The following IGSF21 variants were observed in gnomAD, a reference collection of about 807,000 sequenced individuals.
IGSF21 encodes the protein immunoglobin superfamily member 21.
Under a neutral mutation model 46.8 loss-of-function variants are expected in IGSF21, and 28 were observed. The observed-to-expected ratio is 0.60, with a 90% CI of 0.44 to 0.82. The LOEUF is 0.82. Among genes scored for constraint, IGSF21 ranks in the 40% least tolerant of loss-of-function variants. The pLI is 0.00. For missense variants in IGSF21, 624 were observed against 665.5 expected, an observed-to-expected ratio of 0.94 and a Z score of 0.69; for synonymous variants, 284 against 273.6, an observed-to-expected ratio of 1.04 and a Z score of -0.38.
At chr1:18,202,577 AAGAG>A (rs147654635) in intron 1 of IGSF21, among the ~76,000 whole-genome samples, 11 of 149,068 alleles carry the variant, frequency 7.4e-5, no homozygotes, top group East Asian at 3.9e-4. Context: ...TGGCAGGAGA[AAGAG>A]AGAGAGAGAG....
At chr1:18,309,275 T>C (rs920278921) in intron 3 of IGSF21, among the ~76,000 whole-genome samples, 3 of 152,162 alleles carry the variant, frequency 2.0e-5, no homozygotes, top group Non-Finnish European at 4.4e-5. Context: ...ATGATGCCAC[T>C]GTTTGCTAAT....
chr1:18,371,036 T>C (rs1480591396), intron 6 of IGSF21, among the ~76,000 whole-genome samples: 1 of 152,212 alleles, frequency 6.6e-6, no homozygotes, highest in Non-Finnish European at 1.5e-5. Flanking sequence ...GATAAAAATA[T>C]TTCTGTTCTT....
intron 2 of IGSF21, among the ~76,000 whole-genome samples, chr1:18,291,173 C>G (rs1264257158): frequency 2.0e-5 from 3 of 152,192 alleles, no homozygotes; most frequent in Non-Finnish European, 4.4e-5. Flanking sequence ...CCATGAACAG[C>G]GGGACAGCCC....
chr1:18,248,351 CG>C (rs1469718265), intron 2 of IGSF21, among the ~76,000 whole-genome samples: 1 of 152,150 alleles, frequency 6.6e-6, no homozygotes, highest in African/African-American at 2.4e-5. Context: ...CACAGCATAG[CG>C]GGGGCTTTGG....
chr1:18,340,993 T>C (rs865437), intron 4 of IGSF21, among the ~76,000 whole-genome samples: 39 of 120,352 alleles, frequency 3.2e-4, no homozygotes, highest in South Asian at 9.5e-4. Context: ...TCCTTCTTCT[T>C]CTCCTCCTCC....
intron 1 of IGSF21, chr1:18,115,508 G>A (rs565771649): frequency 6.6e-6 from 1 of 152,320 alleles, no homozygotes; most frequent in African/African-American, 2.4e-5. Flanking sequence ...CCCTGAGCCT[G>A]AGGTTTGGTT....
Position 18,109,674 on chromosome 1 carries a change from T to C in IGSF21, c.70+1476T>C, listed in dbSNP as rs1282588430. 2 of 152,114 alleles carry C rather than the reference T, an allele frequency of 1.3e-5. No homozygotes were observed. The highest frequency in any genetic ancestry group is 2.9e-5 in the Non-Finnish European group (2 of 68,048). 9.4% of individuals were successfully genotyped at this position (152,114 alleles called of 1,614,324 possible). ...CCCAGAAGGAATGCAAACCCTGTACTTTGTTCCCCTACCCTTGGAACAAGA... is the reference window on the plus strand; with the variant it reads ...CCCAGAAGGAATGCAAACCCTGTACCTTGTTCCCCTACCCTTGGAACAAGA... On this transcript the variant is annotated intron_variant, in intron 1 of 9. Transcript: ENST00000251296. The surrounding 1 kb of genome is among the most constrained non-coding windows in gnomAD (Gnocchi z 4.8).
At chr1:18,222,911 G>A (rs1479622605) in intron 1 of IGSF21, among the ~76,000 whole-genome samples, 2 of 152,136 alleles carry the variant, frequency 1.3e-5, no homozygotes, top group African/African-American at 2.4e-5. Flanking sequence ...GTGTCTCAGA[G>A]GTGTTTTCTC....
intron 1 of IGSF21, among the ~76,000 whole-genome samples, chr1:18,126,446 C>T (rs934593145): frequency 1.3e-5 from 2 of 152,102 alleles, no homozygotes; most frequent in African/African-American, 4.8e-5. Context: ...CCCAGGTCAT[C>T]AGCAGGAGGG....
intron 1 of IGSF21, among the ~76,000 whole-genome samples, chr1:18,219,441 A>G (rs2084484898): frequency 6.6e-6 from 1 of 152,176 alleles, no homozygotes; most frequent in Admixed American, 6.5e-5. Context: ...TCAGAGAGGT[A>G]GGGAGGACAC....
Position 18,369,065 on chromosome 1 carries a change from A to C in IGSF21, c.1015+3368A>C, listed in dbSNP as rs1365209354. ...GAGCAAGAGAAAGAAGGGCCCACTC[A>C]TAAGCAGTGGGCCTGGACAGGCAGG... On this transcript the variant is annotated intron_variant, in intron 6 of 9. Coordinates refer to ENST00000251296, the MANE Select transcript of IGSF21 (RefSeq NM_032880.5). 3.9e-5 allele frequency among the ~76,000 whole-genome samples: 6 copies of C among 152,182 alleles called. No individual in the cohort carries two copies. The East Asian group carries it at 1.2e-3, about 29-fold the overall frequency.
chr1:18,267,340 G>T (rs2084999469), intron 2 of IGSF21, among the ~76,000 whole-genome samples: 1 of 152,210 alleles, frequency 6.6e-6, no homozygotes, highest in African/African-American at 2.4e-5. Flanking sequence ...AGCTGGACAA[G>T]GATTAGAAGG....
At chr1:18,293,049 A>C (rs2085282389) in intron 3 of IGSF21, among the ~76,000 whole-genome samples, 1 of 152,174 alleles carries the variant, frequency 6.6e-6, no homozygotes, top group South Asian at 2.1e-4. Context: ...GCACCATGCT[A>C]TGTGGATGTC....
intron 2 of IGSF21, among the ~76,000 whole-genome samples, chr1:18,252,009 C>T (rs1055472212): frequency 2.2e-4 from 32 of 146,908 alleles, no homozygotes; most frequent in African/African-American, 8.0e-4. Context: ...TCTGATTTCA[C>T]AAGGTCAATA....
intron 2 of IGSF21, 75 bp from the exon 3 acceptor site, chr1:18,291,791 G>A (rs1258751773): frequency 5.7e-6 from 9 of 1,565,430 alleles, no homozygotes; most frequent in Non-Finnish European, 7.8e-6. Context: ...CCTGCATCTT[G>A]TCAGTGTCCT....
At chr1:18,240,749 C>T (rs934786832) in intron 2 of IGSF21, among the ~76,000 whole-genome samples, 1 of 152,216 alleles carries the variant, frequency 6.6e-6, no homozygotes, top group Non-Finnish European at 1.5e-5. Flanking sequence ...GACTGGTGGA[C>T]TTCCTAACCC....
chr1:18,299,549 C>T (rs2085341693), intron 3 of IGSF21, among the ~76,000 whole-genome samples: 1 of 152,214 alleles, frequency 6.6e-6, no homozygotes, highest in Admixed American at 6.5e-5. Context: ...CTGCTTGCCA[C>T]ATGAAGTGGT....
intron 1 of IGSF21, among the ~76,000 whole-genome samples, chr1:18,179,661 G>A (rs559883666): frequency 6.6e-6 from 1 of 152,228 alleles, no homozygotes; most frequent in African/African-American, 2.4e-5. Context: ...GGTGACGGAT[G>A]CTTGAGCCAG....
At chr1:18,212,410 A>G (rs2084401970) in intron 1 of IGSF21, among the ~76,000 whole-genome samples, 1 of 152,186 alleles carries the variant, frequency 6.6e-6, no homozygotes, top group Non-Finnish European at 1.5e-5. Flanking sequence ...CAATGAGACC[A>G]ACTTCTCCAA....
Sources: gnomAD v4.1 joint callset for allele counts (sites outside exome capture counted in the v4.1 genomes callset) on GRCh38, gnomAD v4.1.1 for gene constraint, Gnocchi (gnomAD v3.1) non-coding constraint, MANE v1.5 for transcripts, NCBI Gene and HGNC (gene_info 2026-07-23, HGNC 2026-07-21) for gene names.